The following ROCK1 variants were observed in gnomAD, a reference collection of about 807,000 sequenced individuals.
ROCK1 encodes the protein rho-associated protein kinase 1.
Under a neutral mutation model 196.8 loss-of-function variants are expected in ROCK1, and 36 were observed. The observed-to-expected ratio is 0.18, with a 90% CI of 0.14 to 0.24. The LOEUF is 0.24. Ranked by LOEUF, ROCK1 falls within the 10% of genes least tolerant of loss-of-function variation. The pLI, the probability that ROCK1 is intolerant of heterozygous loss-of-function variation, is 1.00. For missense variants in ROCK1, 920 were observed against 1,562.0 expected (o/e 0.59, Z 6.93); for synonymous variants, 443 against 515.9 (o/e 0.86, Z 1.91).
chr18:21,018,328 G>A (rs1263482420), intron 12 of ROCK1, among the ~76,000 whole-genome samples: 4 of 151,892 alleles, frequency 2.6e-5, no homozygotes, highest in East Asian at 1.9e-4. Context: ...TCAGGAGCTC[G>A]AGACCAGCCT....
chr18:20,963,725 G>C (rs766814837), intron 27 of ROCK1, among the ~76,000 whole-genome samples: 21 of 152,096 alleles, frequency 1.4e-4, no homozygotes, highest in Non-Finnish European at 3.1e-4. Flanking sequence ...GAAAGAATGA[G>C]GAAAAGAAAC....
At chr18:20,987,135 A>G (rs1417666676) in intron 18 of ROCK1, 25 bp from the exon 19 acceptor site, 2 of 1,603,838 alleles carry the variant, frequency 1.2e-6, no homozygotes, top group Non-Finnish European at 1.7e-6. Context: ...AGTTACAAAC[A>G]TACATTTAAA....
chr18:20,989,938 C>A (rs1188685138), intron 18 of ROCK1, among the ~76,000 whole-genome samples: 2 of 151,812 alleles, frequency 1.3e-5, no homozygotes, highest in Non-Finnish European at 2.9e-5. Flanking sequence ...AACTTATGAC[C>A]GATATGTTCA....
intron 18 of ROCK1, among the ~76,000 whole-genome samples, chr18:20,988,791 CTGTA>C (rs1490196529): frequency 1.3e-5 from 2 of 152,050 alleles, no homozygotes; most frequent in East Asian, 1.9e-4. Context: ...TAATTACAAG[CTGTA>C]TGTATTTTCA....
chr18:21,082,647 A>AATCAACAAACAGGGAATTGAAAG (rs1328140247), intron 1 of ROCK1, among the ~76,000 whole-genome samples: 5 of 152,212 alleles, frequency 3.3e-5, no homozygotes, highest in Admixed American at 6.5e-5. Context: ...AATAAAAAAC[A>AATCAACAAACAGGGAATTGAAAG]ATCAACAAAC....
intron 27 of ROCK1, among the ~76,000 whole-genome samples, 167 bp from the exon 28 acceptor site, chr18:20,960,373 C>A (rs1171618923): frequency 6.6e-6 from 1 of 152,020 alleles, no homozygotes; most frequent in Non-Finnish European, 1.5e-5. Flanking sequence ...ACTTTAATGG[C>A]CATACAAATA....
intron 21 of ROCK1, among the ~76,000 whole-genome samples, chr18:20,982,372 C>G (rs572166584): frequency 7.2e-5 from 11 of 152,278 alleles, no homozygotes; most frequent in African/African-American, 2.6e-4. Flanking sequence ...CTGCCTCAGC[C>G]TCCTGAGTAG....
intron 9 of ROCK1, among the ~76,000 whole-genome samples, chr18:21,031,530 A>G (rs1233353121): frequency 6.1e-5 from 9 of 146,602 alleles, no homozygotes; most frequent in East Asian, 2.1e-4. Context: ...GCGTGAACCC[A>G]GGAGGCGGAG....
At position 21,056,978 on chromosome 18, in the gene ROCK1, C is replaced by A. The variant is rs11876032; in HGVS notation, c.176-7098G>T. Among the ~76,000 whole-genome samples, 1,241 of 152,326 alleles carry A rather than the reference C, an allele frequency of 8.1e-3. 16 individuals are homozygous for A. Among genetic ancestry groups the A allele is most frequent in the African/African-American group, 0.028 (1,165 of 41,556 alleles). On this transcript the variant is annotated intron_variant, in intron 2 of 32. Coordinates refer to ENST00000399799, the MANE Select transcript of ROCK1 (RefSeq NM_005406.3). ...AAATGTCACCTTTTAACAAGGCCTA[C>A]CCTGGCCACCTTACCTAAAACAGCA...
Position 21,018,947 on chromosome 18 carries a change from ACG to A in ROCK1, c.1361+1202_1361+1203del, listed in dbSNP as rs1331955529. 5.9e-5 allele frequency among the ~76,000 whole-genome samples: 9 copies of A among 152,204 alleles called. 1 individual carries two copies. The highest frequency in any genetic ancestry group is 2.2e-4 in the African/African-American group (9 of 41,454). ...TATTATGCTAGGTAATTTAAAATAA[ACG>A]TGAGCATAACTCAAAGATATTTTTT... On this transcript the variant is annotated intron_variant, in intron 12 of 32. Coordinates refer to ENST00000399799, the MANE Select transcript of ROCK1 (RefSeq NM_005406.3).
At chr18:21,096,223 G>A (rs908647837) in intron 1 of ROCK1, among the ~76,000 whole-genome samples, 26 of 146,970 alleles carry the variant, frequency 1.8e-4, no homozygotes, top group African/African-American at 5.5e-4. Context: ...TTTTTGAGAT[G>A]GAGTCTCACT....
intron 1 of ROCK1, among the ~76,000 whole-genome samples, chr18:21,085,503 G>A (rs1032652623): frequency 1.3e-5 from 2 of 151,984 alleles, no homozygotes; most frequent in Admixed American, 6.6e-5. Flanking sequence ...TGAGAAAAAT[G>A]GCTAAATAAA....
chr18:21,060,394 ACT>A (rs2036278363), intron 2 of ROCK1, among the ~76,000 whole-genome samples: 2 of 152,192 alleles, frequency 1.3e-5, no homozygotes, highest in Admixed American at 1.3e-4. Context: ...AACAACAGAA[ACT>A]CTCATTCATT....
chr18:21,105,532 AG>A (rs1373929975), intron 1 of ROCK1, among the ~76,000 whole-genome samples: 1 of 152,248 alleles, frequency 6.6e-6, no homozygotes, highest in Non-Finnish European at 1.5e-5. Context: ...CAAGGCATAC[AG>A]GGGATTAGAC....
At chr18:21,002,287 T>C (rs994232070) in intron 16 of ROCK1, among the ~76,000 whole-genome samples, 12 of 152,130 alleles carry the variant, frequency 7.9e-5, no homozygotes, top group African/African-American at 2.4e-4. Context: ...AATCTATGCA[T>C]ATCAAAAAGC....
chr18:20,991,762 GT>G, intron 17 of ROCK1, among the ~76,000 whole-genome samples: 1 of 151,886 alleles, frequency 6.6e-6, no homozygotes, highest in Non-Finnish European at 1.5e-5. Context: ...AGCCTCTGGA[GT>G]GGCTAGTATT....
At chr18:21,005,867 T>C (rs562436762) in intron 16 of ROCK1, among the ~76,000 whole-genome samples, 4 of 152,178 alleles carry the variant, frequency 2.6e-5, no homozygotes, top group African/African-American at 9.6e-5. Flanking sequence ...ACAGAGCAAG[T>C]TCCTATCTCA....
rs765761803 is a variant in ROCK1, at chr18:20,991,182, T to C, written c.2137A>G (p.Met713Val). The C allele has an allele frequency of 3.1e-6, 5 of 1,590,620 alleles. No individual in the cohort carries two copies. Among genetic ancestry groups the C allele is most frequent in the Non-Finnish European group, 4.3e-6 (5 of 1,173,922 alleles). The part of the protein sequence containing the change: ...QSIEEAKSVA[M>V]CEMEKKLKEE... ...TATTAAAACTGACACTTACCACACA[T>C]TGCCACAGACTTTGCCTCTTCAATA... The change falls in exon 18 of 33, where the codon ATG becomes GTG. Residue 713 changes from methionine to valine, a missense_variant. This residue lies in a region of ROCK1 where 520 missense variants were observed against 657.1 expected (regional missense o/e 0.79). Transcript: ENST00000399799.
chr18:20,988,922 T>C (rs1178341251), intron 18 of ROCK1, among the ~76,000 whole-genome samples: 1 of 152,132 alleles, frequency 6.6e-6, no homozygotes, highest in African/African-American at 2.4e-5. Context: ...AGGCAGTCAA[T>C]AATTAACTTA....
Sources: gnomAD v4.1 joint callset for allele counts (sites outside exome capture counted in the v4.1 genomes callset) on GRCh38, gnomAD v4.1.1 for gene constraint, gnomAD v4.1.1 regional missense constraint, MANE v1.5 for transcripts, NCBI Gene and HGNC (gene_info 2026-07-23, HGNC 2026-07-21) for gene names.